MAP6: variants seen among roughly 807,000 people sequenced by gnomAD.
The protein encoded by MAP6 is microtubule-associated protein 6.
MAP6 carries 26 observed loss-of-function variants against 42.4 expected under a neutral mutation model. The ratio of observed to expected loss-of-function variants is 0.61; its 90% CI spans 0.45 to 0.85. The LOEUF (loss-of-function observed/expected upper bound fraction) is 0.85, where lower values mean the gene tolerates loss of function less well. Among genes scored for constraint, MAP6 ranks in the 40% least tolerant of loss-of-function variants. The pLI, the probability that MAP6 is intolerant of heterozygous loss-of-function variation, is 0.00. For missense variants in MAP6, 966 were observed against 1,099.0 expected (o/e 0.88, Z 1.71); for synonymous variants, 418 against 443.8 (o/e 0.94, Z 0.73).
intron 1 of MAP6, among the ~76,000 whole-genome samples, chr11:75,648,925 T>A (rs1453418034): frequency 6.6e-6 from 1 of 152,200 alleles, no homozygotes; most frequent in African/African-American, 2.4e-5. Flanking sequence ...TCTGACATTA[T>A]AAGACAAAGG....
chr11:75,616,118 A>G (rs1158101907), intron 1 of MAP6, among the ~76,000 whole-genome samples: 1 of 152,254 alleles, frequency 6.6e-6, no homozygotes, highest in African/African-American at 2.4e-5. Flanking sequence ...GAACATCTGC[A>G]TATGTTAATT....
chr11:75,645,717 A>G (rs1258407711), intron 1 of MAP6, among the ~76,000 whole-genome samples: 1 of 152,230 alleles, frequency 6.6e-6, no homozygotes, highest in African/African-American at 2.4e-5. Flanking sequence ...ATAGGACATG[A>G]TGAAGAATAC....
At chr11:75,654,190 A>G (rs1455027706) in intron 1 of MAP6, among the ~76,000 whole-genome samples, 1 of 152,250 alleles carries the variant, frequency 6.6e-6, no homozygotes, top group East Asian at 1.9e-4. Context: ...GCTCTAAATC[A>G]TATAGTTAAT....
At chr11:75,625,904 C>T (rs566957700) in intron 1 of MAP6, among the ~76,000 whole-genome samples, 34 of 152,292 alleles carry the variant, frequency 2.2e-4, no homozygotes, top group Middle Eastern at 3.4e-3. Flanking sequence ...ACCACGGGTC[C>T]AGTCCAGCAC....
At chr11:75,649,496 T>C (rs1193485899) in intron 1 of MAP6, among the ~76,000 whole-genome samples, 1 of 152,150 alleles carries the variant, frequency 6.6e-6, no homozygotes, top group African/African-American at 2.4e-5. Context: ...TGAAAAAATA[T>C]TTTTTAATAC....
At chr11:75,622,760 G>A (rs2135617561) in intron 1 of MAP6, among the ~76,000 whole-genome samples, 1 of 152,320 alleles carries the variant, frequency 6.6e-6, no homozygotes, top group East Asian at 1.9e-4. Context: ...CAGTCAGTGT[G>A]TTACTCACAT....
At position 75,595,103 on chromosome 11, in the gene MAP6, T is replaced by C. The variant is rs544759597; in HGVS notation, c.1317-6919A>G. Among the ~76,000 whole-genome samples the C allele has an allele frequency of 3.9e-5, 6 of 152,352 alleles. No individual in the cohort carries two copies. In the South Asian group the frequency reaches 1.0e-3, roughly 26 times the overall value. On this transcript the variant is annotated intron_variant, in intron 3 of 3. Coordinates refer to ENST00000304771, the MANE Select transcript of MAP6 (RefSeq NM_033063.2). Reference sequence around the variant, plus strand: ...CTGGGCCATGGGTCTCCTGAGCCTCTGCTGCAATCTCCCTGGCAGGTGGCT... The same window carrying C: ...CTGGGCCATGGGTCTCCTGAGCCTCCGCTGCAATCTCCCTGGCAGGTGGCT...
At chr11:75,641,490 A>AT (rs1453345415) in intron 1 of MAP6, among the ~76,000 whole-genome samples, 1 of 152,118 alleles carries the variant, frequency 6.6e-6, no homozygotes, top group Non-Finnish European at 1.5e-5. Flanking sequence ...TAATAAAAAA[A>AT]AAAAGAAATT....
chr11:75,630,098 C>T (rs922148575), intron 1 of MAP6, among the ~76,000 whole-genome samples: 6 of 152,184 alleles, frequency 3.9e-5, no homozygotes, highest in Non-Finnish European at 8.8e-5. Flanking sequence ...ATCATCACCA[C>T]CACCTTCACA....
intron 1 of MAP6, among the ~76,000 whole-genome samples, chr11:75,657,340 T>C (rs1041121746): frequency 6.6e-6 from 1 of 152,160 alleles, no homozygotes; most frequent in Admixed American, 6.5e-5. Flanking sequence ...CTCGATTTCC[T>C]GACCTCGTGA....
chr11:75,625,624 AGT>A (rs1943181527), intron 1 of MAP6, among the ~76,000 whole-genome samples: 1 of 152,222 alleles, frequency 6.6e-6, no homozygotes, highest in Non-Finnish European at 1.5e-5. Context: ...CAAATTCAAG[AGT>A]GAACCATTAA....
intron 1 of MAP6, among the ~76,000 whole-genome samples, chr11:75,631,808 G>T (rs940986765): frequency 6.6e-6 from 1 of 152,226 alleles, no homozygotes; most frequent in African/African-American, 2.4e-5. Flanking sequence ...TTCTGCTGTC[G>T]CAGGAGATAG....
chr11:75,662,698 A>G (rs888401998), intron 1 of MAP6, among the ~76,000 whole-genome samples: 4 of 152,260 alleles, frequency 2.6e-5, no homozygotes, highest in African/African-American at 7.2e-5. Flanking sequence ...AAAGTAGATC[A>G]TAACGTGAGT....
At chr11:75,635,412 T>A (rs180906327) in intron 1 of MAP6, among the ~76,000 whole-genome samples, 10 of 152,328 alleles carry the variant, frequency 6.6e-5, no homozygotes, top group African/African-American at 2.4e-4. Context: ...TTCGTCTCCT[T>A]AAGCCCCTTC....
At position 75,605,813 on chromosome 11, in the gene MAP6, C is replaced by T. The variant is rs200607557; in HGVS notation, c.1311G>A (p.Ala437=). 5.6e-5 allele frequency: 90 copies of T among 1,613,754 alleles called. No homozygotes were observed. Among genetic ancestry groups the T allele is most frequent in the East Asian group, 8.9e-5 (4 of 44,882 alleles). ...SKEMNNKLAE[A]KESLAQPVSD... Reference sequence around the variant, plus strand: ...GAAAGTGCAGGGAAATTTACTCTTTCGCCTCAGCCAGTTTATTGTTCATCT... The same window carrying T: ...GAAAGTGCAGGGAAATTTACTCTTTTGCCTCAGCCAGTTTATTGTTCATCT... The change falls in exon 3 of 4, where the codon GCG becomes GCA. Residue 437 remains alanine (A), a synonymous_variant. Coordinates refer to ENST00000304771, the MANE Select transcript of MAP6 (RefSeq NM_033063.2).
intron 1 of MAP6, among the ~76,000 whole-genome samples, chr11:75,642,012 T>C: frequency 6.6e-6 from 1 of 152,250 alleles, no homozygotes; most frequent in Non-Finnish European, 1.5e-5. Flanking sequence ...ATACAAAATT[T>C]ATATAAATAT....
intron 1 of MAP6, among the ~76,000 whole-genome samples, chr11:75,632,394 T>C (rs1404930282): frequency 2.6e-5 from 4 of 152,320 alleles, no homozygotes; most frequent in South Asian, 2.1e-4. Context: ...AAAGGGAAGA[T>C]TCAATGTCTG....
rs1393175807 is a variant in MAP6, at chr11:75,669,020, C to A, written c.-651G>T. 5 of 164,580 alleles carry A rather than the reference C, an allele frequency of 3.0e-5. No individual in the cohort carries two copies. Among genetic ancestry groups the A allele is most frequent in the Non-Finnish European group, 5.3e-5 (4 of 76,006 alleles). The allele number at this position is 164,580 out of a possible 1,614,324, so 10.2% of individuals were successfully genotyped here. A position where few individuals can be genotyped will look rare whatever the true frequency, so the allele number is the denominator to read the frequency against. On this transcript the variant is annotated 5_prime_UTR_variant, in exon 1 of 4. Transcript: ENST00000304771. ...CCGCGAATGATGCTGCAGCCGCTGC[C>A]GCCGCCGCCTCTGCCTCTGCTGCAG...
chr11:75,602,086 C>T (rs966079325), intron 3 of MAP6, among the ~76,000 whole-genome samples: 1 of 152,028 alleles, frequency 6.6e-6, no homozygotes, highest in Non-Finnish European at 1.5e-5. Context: ...AGTATAAAAT[C>T]TTTTGTCTTC....
Sources: allele counts gnomAD v4.1 joint callset (sites outside exome capture counted in the v4.1 genomes callset), GRCh38; gene constraint gnomAD v4.1.1; transcripts MANE v1.5; gene names NCBI Gene and HGNC (gene_info 2026-07-23, HGNC 2026-07-21).